Variants in PTPRM observed in about 807,000 individuals in gnomAD.
PTPRM encodes protein tyrosine phosphatase receptor type M, also known as receptor-type tyrosine-protein phosphatase mu.
PTPRM carries 47 observed loss-of-function variants against 186.7 expected under a neutral mutation model. The observed-to-expected ratio is 0.25, with a 90% CI of 0.20 to 0.32. The LOEUF (loss-of-function observed/expected upper bound fraction) is 0.32, where lower values mean the gene tolerates loss of function less well. Ranked by LOEUF, PTPRM falls within the 10% of genes least tolerant of loss-of-function variation. PTPRM has a pLI of 1.00. For missense variants in PTPRM, 1,494 were observed against 1,865.0 expected (o/e 0.80, Z 3.66); for synonymous variants, 668 against 674.9 (o/e 0.99, Z 0.16).
At chr18:8,131,082 A>C (rs567679799) in intron 13 of PTPRM, among the ~76,000 whole-genome samples, 2 of 152,276 alleles carry the variant, frequency 1.3e-5, no homozygotes, top group Non-Finnish European at 2.9e-5. Flanking sequence ...TTTCAAGATG[A>C]CTCAGTAATT....
intron 2 of PTPRM, 169 bp from the exon 3 acceptor site, chr18:7,887,937 A>G: frequency 2.5e-6 from 2 of 810,122 alleles, no homozygotes; most frequent in Non-Finnish European, 2.2e-6. Context: ...TAGGGGGATG[A>G]TAGGAGGAGG....
In PTPRM at chr18:8,247,924, C is replaced by G. The variant is rs756314575; in HGVS notation, c.2527+5C>G. 1 of 1,568,818 alleles carries G rather than the reference C, an allele frequency of 6.4e-7. No homozygotes were observed. The highest frequency in any genetic ancestry group is 1.1e-5 in the South Asian group (1 of 90,128). ...TGCCTAATTCCTATTACCCAGGTAA[C>G]AGTTTTTTCCATTGTCTCCTCTCTG... On this transcript the variant is annotated splice_donor_5th_base_variant and intron_variant, in intron 16 of 32. Coordinates refer to ENST00000580170, the MANE Select transcript of PTPRM (RefSeq NM_001105244.2).
At chr18:8,244,400 C>G (rs534176111) in intron 15 of PTPRM, among the ~76,000 whole-genome samples, 191 bp downstream of exon 15, 17 of 151,950 alleles carry the variant, frequency 1.1e-4, no homozygotes, top group Non-Finnish European at 5.9e-5. Context: ...GGTGATAGGA[C>G]CAGATCAGAG....
intron 8 of PTPRM, among the ~76,000 whole-genome samples, chr18:8,074,631 G>A (rs956335886): frequency 3.3e-5 from 5 of 152,222 alleles, no homozygotes; most frequent in Middle Eastern, 3.4e-3. Flanking sequence ...TTATGGTTTC[G>A]ATTTACAGCG....
At chr18:8,035,835 AT>A (rs1352441052) in intron 7 of PTPRM, among the ~76,000 whole-genome samples, 1 of 152,196 alleles carries the variant, frequency 6.6e-6, no homozygotes, top group Non-Finnish European at 1.5e-5. Context: ...TATGCACAGT[AT>A]TTTGTATCTC....
chr18:7,744,690 G>T (rs1427826753), intron 1 of PTPRM, among the ~76,000 whole-genome samples: 1 of 152,062 alleles, frequency 6.6e-6, no homozygotes, highest in Non-Finnish European at 1.5e-5. Context: ...TGGTCTATTT[G>T]TCTGAAAAAT....
At chr18:8,246,885 C>G (rs77337920) in intron 15 of PTPRM, among the ~76,000 whole-genome samples, 22,006 of 152,092 alleles carry the variant, frequency 0.14, 1,696 homozygotes, top group African/African-American at 0.18. Flanking sequence ...AGAATAATTA[C>G]CCAGTATGCA....
At chr18:8,063,011 G>A (rs1202944775) in intron 7 of PTPRM, among the ~76,000 whole-genome samples, 13 of 148,736 alleles carry the variant, frequency 8.7e-5, no homozygotes, top group African/African-American at 3.0e-4. Flanking sequence ...CGGCTGCTTT[G>A]TTTACCTAAT....
chr18:7,899,577 G>C (rs1010483290), intron 3 of PTPRM, among the ~76,000 whole-genome samples: 2 of 152,108 alleles, frequency 1.3e-5, no homozygotes, highest in Non-Finnish European at 2.9e-5. Flanking sequence ...TTTAGATTGG[G>C]CTAAAGGGCA....
chr18:7,889,551 C>T (rs1181545731), intron 3 of PTPRM, among the ~76,000 whole-genome samples: 1 of 152,024 alleles, frequency 6.6e-6, no homozygotes, highest in African/African-American at 2.4e-5. Context: ...GTTGCCCAGG[C>T]TGGTCTCAAA....
chr18:8,244,139 C>A lies in PTPRM; in HGVS notation c.2382C>A (p.Ser794Arg). The A allele has an allele frequency of 6.2e-7, 1 of 1,609,118 alleles. No individual in the cohort carries two copies. Among genetic ancestry groups the A allele is most frequent in the South Asian group, 1.1e-5 (1 of 89,744 alleles). Reference sequence around the variant, plus strand: ...TGATGGTGAACTCAATGGACAAGAGCTATGCTGAGCAGGGCACAAACTGCG... The same window carrying A: ...TGATGGTGAACTCAATGGACAAGAGATATGCTGAGCAGGGCACAAACTGCG... ...MTVMVNSMDK[S>R]YAEQGTNCDE... Residue 794 changes from serine (S) to arginine (R), a missense_variant, in exon 15 of 33, where the codon AGC becomes AGA. By Grantham distance (110) the Ser-to-Arg change is moderately radical. Transcript: ENST00000580170.
intron 19 of PTPRM, among the ~76,000 whole-genome samples, chr18:8,275,720 AT>A (rs2094826235): frequency 6.6e-6 from 1 of 152,168 alleles, no homozygotes; most frequent in Non-Finnish European, 1.5e-5. Flanking sequence ...TGTTGTGAGA[AT>A]GACATTTTGT....
chr18:7,948,071 GT>G (rs2052666510), intron 5 of PTPRM, among the ~76,000 whole-genome samples: 1 of 148,594 alleles, frequency 6.7e-6, no homozygotes, highest in African/African-American at 2.5e-5. Context: ...TTTGTCCATT[GT>G]TTTTTACTAA....
intron 1 of PTPRM, among the ~76,000 whole-genome samples, chr18:7,710,656 C>G (rs1234998916): frequency 6.6e-6 from 1 of 152,184 alleles, no homozygotes; most frequent in Non-Finnish European, 1.5e-5. Flanking sequence ...CCTAAAGATT[C>G]ATCCAAAAAC....
chr18:8,319,497 A>G (rs2095332267), intron 22 of PTPRM, among the ~76,000 whole-genome samples: 1 of 152,232 alleles, frequency 6.6e-6, no homozygotes, highest in Non-Finnish European at 1.5e-5. Context: ...AGATGTATAG[A>G]TAGCCATTCC....
At chr18:7,759,597 A>G (rs1007610844) in intron 1 of PTPRM, among the ~76,000 whole-genome samples, 20 of 152,140 alleles carry the variant, frequency 1.3e-4, no homozygotes, top group African/African-American at 4.8e-4. Flanking sequence ...CCCACTTTTC[A>G]TATGTCTAAT....
intron 7 of PTPRM, among the ~76,000 whole-genome samples, chr18:8,026,008 G>A (rs918739058): frequency 1.3e-5 from 2 of 152,172 alleles, no homozygotes; most frequent in Non-Finnish European, 2.9e-5. Flanking sequence ...GCATTCACAA[G>A]ATTCATCAAG....
chr18:7,994,579 A>G (rs1269375517), intron 7 of PTPRM, among the ~76,000 whole-genome samples: 1 of 152,186 alleles, frequency 6.6e-6, no homozygotes, highest in Non-Finnish European at 1.5e-5. Context: ...ATGTTAGGCA[A>G]CAAAACATAC....
chr18:8,271,715 T>C (rs138945339), intron 19 of PTPRM, among the ~76,000 whole-genome samples: 8 of 152,266 alleles, frequency 5.3e-5, no homozygotes, highest in African/African-American at 1.9e-4. Flanking sequence ...TTAATTTTGA[T>C]AGTTAATATT....
Sources: allele counts gnomAD v4.1 joint callset (sites outside exome capture counted in the v4.1 genomes callset), GRCh38; gene constraint gnomAD v4.1.1; transcripts MANE v1.5; gene names NCBI Gene and HGNC (gene_info 2026-07-23, HGNC 2026-07-21).